MYO1H: variants seen among roughly 807,000 people sequenced by gnomAD.
The protein encoded by MYO1H is myosin IH.
MYO1H carries 118 observed loss-of-function variants against 149.3 expected under a neutral mutation model. That is an observed-to-expected ratio of 0.79 (90% CI 0.68 to 0.92). The LOEUF (loss-of-function observed/expected upper bound fraction) is 0.92. Ranked by LOEUF, MYO1H falls within the 40% of genes least tolerant of loss-of-function variation. The probability of loss-of-function intolerance (pLI) is 0.00; values close to 1 mark genes in which losing one functional copy is unlikely to be tolerated. For missense variants in MYO1H, 1,212 were observed against 1,280.7 expected (o/e 0.95, Z 0.82); for synonymous variants, 447 against 465.2 (o/e 0.96, Z 0.50).
At chr12:109,411,952 A>C in exon 14 of MYO1H, 3 of 1,605,158 alleles carry the variant, frequency 1.9e-6, no homozygotes, top group Middle Eastern at 1.7e-4. Flanking sequence ...GAGAAATTGG[A>C]AGAGAAAGTG....
At chr12:109,401,765 G>T (rs944355796) in intron 6 of MYO1H, among the ~76,000 whole-genome samples, 6 of 151,466 alleles carry the variant, frequency 4.0e-5, no homozygotes, top group Non-Finnish European at 5.9e-5. Flanking sequence ...TTTGGGACAG[G>T]TTCTCACTCT....
chr12:109,445,941 C>T, intron 31 of MYO1H: 1 of 985,426 alleles, frequency 1.0e-6, no homozygotes, highest in Non-Finnish European at 1.2e-6. Context: ...CTATCCATAA[C>T]TTCCCCCCAC....
chr12:109,385,666 C>G (rs191199810), intron 1 of MYO1H, among the ~76,000 whole-genome samples: 84 of 152,286 alleles, frequency 5.5e-4, no homozygotes, highest in Non-Finnish European at 8.7e-4. Context: ...TAAGGCTCTT[C>G]TAGCTCCATT....
intron 1 of MYO1H, among the ~76,000 whole-genome samples, chr12:109,358,456 G>T (rs1038868460): frequency 6.6e-6 from 1 of 152,134 alleles, no homozygotes; most frequent in Non-Finnish European, 1.5e-5. Flanking sequence ...TAATTTTCCA[G>T]ATAAAACAGG....
chr12:109,369,933 G>A (rs963480282), intron 1 of MYO1H, among the ~76,000 whole-genome samples: 3 of 152,188 alleles, frequency 2.0e-5, no homozygotes, highest in African/African-American at 4.8e-5. Context: ...GACAGAAGGC[G>A]AAAGGCACGT....
At chr12:109,389,545 G>A (rs560006116) in intron 2 of MYO1H, among the ~76,000 whole-genome samples, 2 of 152,208 alleles carry the variant, frequency 1.3e-5, no homozygotes, top group South Asian at 2.1e-4. Flanking sequence ...CACACCCCAC[G>A]AATGGTCAAG....
intron 25 of MYO1H, 28 bp from the exon 26 acceptor site, chr12:109,441,587 T>C: frequency 6.5e-7 from 1 of 1,538,556 alleles, no homozygotes; most frequent in South Asian, 1.2e-5. Context: ...TGGCTACCAT[T>C]TTTATACTTT....
At chr12:109,446,990 C>T in intron 31 of MYO1H, 169 bp from the exon 32 acceptor site, 1 of 678,884 alleles carries the variant, frequency 1.5e-6, no homozygotes. Flanking sequence ...GGCTGACAGG[C>T]CTCGATGAGC....
chr12:109,442,202 T>C lies in MYO1H; in HGVS notation c.2633-15T>C, dbSNP rs749635298. 1.2e-6 allele frequency: 2 copies of C among 1,612,930 alleles called. No individual in the cohort carries two copies. Among genetic ancestry groups the C allele is most frequent in the East Asian group, 4.5e-5 (2 of 44,878 alleles). ...ACTTTAGTGATGATTCATGGCCTTC[T>C]GGTTCCCTCTCTAGATGAAGGAGAC... On this transcript the variant is annotated splice_polypyrimidine_tract_variant and intron_variant, in intron 26 of 31. Transcript: ENST00000310903.
chr12:109,349,657 T>TC (rs1868412192), intron 1 of MYO1H, among the ~76,000 whole-genome samples: 2 of 64,548 alleles, frequency 3.1e-5, no homozygotes, highest in African/African-American at 1.5e-4. Context: ...AAACCCTGTC[T>TC]CAAAAAAAAA....
chr12:109,446,183 A>G, intron 31 of MYO1H: 1 of 985,080 alleles, frequency 1.0e-6, no homozygotes, highest in Non-Finnish European at 1.2e-6. Context: ...GAGGTTTGGG[A>G]ACCATGGCTA....
intron 15 of MYO1H, among the ~76,000 whole-genome samples, chr12:109,417,456 T>G (rs2135568477): frequency 6.6e-6 from 1 of 152,052 alleles, no homozygotes; most frequent in East Asian, 2.0e-4. Flanking sequence ...GCCTCCCAAG[T>G]AGCTGGGACT....
chr12:109,375,901 C>A (rs890927377), intron 1 of MYO1H, among the ~76,000 whole-genome samples: 1 of 152,122 alleles, frequency 6.6e-6, no homozygotes, highest in Non-Finnish European at 1.5e-5. Context: ...ATCATTTGAG[C>A]CCAGAAGTTT....
chr12:109,333,313 T>C, the MYO1H span, among the ~76,000 whole-genome samples: 1 of 151,816 alleles, frequency 6.6e-6, no homozygotes, highest in Admixed American at 6.6e-5. Flanking sequence ...GGAGTGAAAC[T>C]CTGTCTCAAA....
intron 1 of MYO1H, among the ~76,000 whole-genome samples, chr12:109,362,770 T>C (rs559139074): frequency 6.6e-6 from 1 of 152,344 alleles, no homozygotes; most frequent in East Asian, 1.9e-4. Flanking sequence ...AATGAGGATC[T>C]TAATCACCTA....
the MYO1H span, among the ~76,000 whole-genome samples, chr12:109,312,628 A>G: frequency 2.6e-5 from 4 of 152,098 alleles, no homozygotes; most frequent in African/African-American, 7.2e-5. Flanking sequence ...TAGTTTTCCA[A>G]TGGTGAGGAG....
chr12:109,388,237 A>AT (rs1404874577), intron 1 of MYO1H, among the ~76,000 whole-genome samples: 2 of 150,522 alleles, frequency 1.3e-5, no homozygotes, highest in African/African-American at 5.0e-5. Context: ...GGAAACATTA[A>AT]TTTAAAAAAA....
the MYO1H span, among the ~76,000 whole-genome samples, chr12:109,319,238 A>T: frequency 6.6e-6 from 1 of 152,302 alleles, no homozygotes; most frequent in Non-Finnish European, 1.5e-5. Context: ...ATGCAATGGA[A>T]TATTCAGTCT....
Position 109,393,327 on chromosome 12 carries a change from C to T in MYO1H, c.175-4C>T, listed in dbSNP as rs772595925. On this transcript the variant is annotated splice_polypyrimidine_tract_variant and splice_region_variant and intron_variant, in intron 2 of 31. Coordinates refer to ENST00000310903, the Ensembl canonical transcript of MYO1H. ...CTCACTTGTGCTTTGGTCCATTTCT[C>T]TAGACATATATTGGCACCCTCCTTG... The T allele has an allele frequency of 6.4e-7, 1 of 1,555,732 alleles. No individual in the cohort carries two copies. Among genetic ancestry groups the T allele is most frequent in the Non-Finnish European group, 8.7e-7 (1 of 1,145,276 alleles).
Sources: gnomAD v4.1 joint callset for allele counts (sites outside exome capture counted in the v4.1 genomes callset) on GRCh38, gnomAD v4.1.1 for gene constraint, MANE v1.5 for transcripts, NCBI Gene and HGNC (gene_info 2026-07-23, HGNC 2026-07-21) for gene names.